Variants in CACNA1C observed in about 807,000 individuals in gnomAD.
The protein encoded by CACNA1C is calcium voltage-gated channel subunit alpha1 C.
Under a neutral mutation model 229.0 loss-of-function variants are expected in CACNA1C, and 30 were observed. The ratio of observed to expected loss-of-function variants is 0.13; its 90% CI spans 0.10 to 0.18. CACNA1C has a LOEUF of 0.18. CACNA1C is among the 10% of genes least tolerant of loss of function. The pLI is 1.00. For synonymous variants in CACNA1C, 1,114 were observed against 1,132.5 expected (o/e 0.98, Z 0.33); for missense variants, 1,658 against 2,845.0 (o/e 0.58, Z 9.49).
rs1219084901 is a variant in CACNA1C, at chr12:2,653,040, C to A, written c.4075-795C>A. ...CGGTGGCCACGGCTGAAGCGGCGCCCGGGAACACGGGCTGGGCCTCCCATC... is the reference window on the plus strand; with the variant it reads ...CGGTGGCCACGGCTGAAGCGGCGCCAGGGAACACGGGCTGGGCCTCCCATC... On this transcript the variant is annotated intron_variant, in intron 32 of 46. Transcript: ENST00000399655. This position sits in a 1 kb window ranked among gnomAD's most constrained non-coding sequence, Gnocchi z 4.7. 9.2e-5 allele frequency among the ~76,000 whole-genome samples: 14 copies of A among 152,224 alleles called. No homozygotes were observed. Among genetic ancestry groups the A allele is most frequent in the African/African-American group, 2.7e-4 (11 of 41,462 alleles).
intron 1 of CACNA1C, among the ~76,000 whole-genome samples, chr12:2,012,860 C>G (rs914249723): frequency 3.3e-5 from 5 of 152,156 alleles, no homozygotes; most frequent in Admixed American, 6.5e-5. Flanking sequence ...CCCTTGAGAT[C>G]CATTGTAATT....
chr12:2,650,173 C>G (rs2094800167), intron 31 of CACNA1C, among the ~76,000 whole-genome samples: 1 of 152,180 alleles, frequency 6.6e-6, no homozygotes, highest in Admixed American at 6.5e-5. Flanking sequence ...TTTGGAAGAT[C>G]TGGAAAGCAG....
At chr12:2,364,845 T>G (rs1211315154) in intron 3 of CACNA1C, among the ~76,000 whole-genome samples, 3 of 152,134 alleles carry the variant, frequency 2.0e-5, no homozygotes, top group Non-Finnish European at 1.5e-5. Context: ...GAGAACGATC[T>G]TGTGATTCCA....
chr12:2,363,769 G>A (rs1336960692), intron 3 of CACNA1C, among the ~76,000 whole-genome samples: 2 of 152,188 alleles, frequency 1.3e-5, no homozygotes, highest in African/African-American at 4.8e-5. Flanking sequence ...GTCTTGGACT[G>A]GATAATGGTG....
intron 30 of CACNA1C, among the ~76,000 whole-genome samples, chr12:2,638,511 C>A (rs1029931223): frequency 2.6e-5 from 4 of 152,120 alleles, no homozygotes; most frequent in Admixed American, 6.5e-5. Context: ...AGAGGTGTCA[C>A]GTGACCCGAC....
chr12:2,092,891 A>T (rs1025833233), intron 1 of CACNA1C, among the ~76,000 whole-genome samples: 1 of 152,228 alleles, frequency 6.6e-6, no homozygotes, highest in South Asian at 2.1e-4. Context: ...TTCAAAATGC[A>T]TCTCTTTCTA....
rs1322642469 is a variant in CACNA1C, at chr12:2,285,778, T to A, written c.478-163198T>A. Among the ~76,000 whole-genome samples, 1 of 152,144 alleles carries A rather than the reference T, an allele frequency of 6.6e-6. No individual in the cohort carries two copies. Among genetic ancestry groups the A allele is most frequent in the Non-Finnish European group, 1.5e-5 (1 of 68,018 alleles). ...CATTCGAGAGAGGCTGGTGCGCACCTACCCAGCGGCTTTTTGGGCGGCAGT... is the reference window on the plus strand; with the variant it reads ...CATTCGAGAGAGGCTGGTGCGCACCAACCCAGCGGCTTTTTGGGCGGCAGT... On this transcript the variant is annotated intron_variant, in intron 3 of 46. Coordinates refer to ENST00000399655, the MANE Select transcript of CACNA1C (RefSeq NM_000719.7). The surrounding 1 kb of genome is among the most constrained non-coding windows in gnomAD (Gnocchi z 4.2).
intron 3 of CACNA1C, among the ~76,000 whole-genome samples, chr12:2,161,674 G>C (rs368431873): frequency 1.3e-5 from 2 of 152,210 alleles, no homozygotes; most frequent in East Asian, 3.9e-4. Flanking sequence ...CCAAACTGAC[G>C]GTGCTGTAGA....
chr12:2,190,236 C>T (rs1462305675), intron 3 of CACNA1C, among the ~76,000 whole-genome samples: 1 of 152,184 alleles, frequency 6.6e-6, no homozygotes, highest in Non-Finnish European at 1.5e-5. Flanking sequence ...CATTGCCAAT[C>T]GATTTAAACA....
intron 3 of CACNA1C, among the ~76,000 whole-genome samples, chr12:2,321,103 A>G (rs1054021946): frequency 6.6e-6 from 1 of 152,208 alleles, no homozygotes; most frequent in Non-Finnish European, 1.5e-5. Context: ...TCTTCAGCCA[A>G]CAGAGGCTGT....
At chr12:2,241,460 G>A (rs781593167) in intron 3 of CACNA1C, among the ~76,000 whole-genome samples, 8 of 152,030 alleles carry the variant, frequency 5.3e-5, no homozygotes, top group Non-Finnish European at 7.4e-5. Flanking sequence ...GAGAGCACGC[G>A]TGTGGGATGG....
intron 13 of CACNA1C, among the ~76,000 whole-genome samples, chr12:2,570,848 C>T (rs1033231352): frequency 6.6e-6 from 1 of 152,186 alleles, no homozygotes; most frequent in Non-Finnish European, 1.5e-5. Context: ...CAGACACCCA[C>T]GATTAAAATC....
intron 18 of CACNA1C, among the ~76,000 whole-genome samples, chr12:2,587,391 A>C (rs551539049): frequency 2.6e-5 from 4 of 152,210 alleles, no homozygotes; most frequent in Non-Finnish European, 1.5e-5. Flanking sequence ...GAGCCCTCCC[A>C]TGGGGCCAGC....
At chr12:2,160,060 G>A (rs1372787509) in intron 3 of CACNA1C, among the ~76,000 whole-genome samples, 1 of 152,122 alleles carries the variant, frequency 6.6e-6, no homozygotes, top group Non-Finnish European at 1.5e-5. Context: ...GGACCGTCCT[G>A]CTGGGATCCT....
At chr12:2,447,878 G>A (rs759076295) in intron 3 of CACNA1C, among the ~76,000 whole-genome samples, 6 of 152,246 alleles carry the variant, frequency 3.9e-5, no homozygotes, top group Non-Finnish European at 5.9e-5. Flanking sequence ...GTTCTGAGCC[G>A]AGTGCCCACT....
intron 46 of CACNA1C, 140 bp from the exon 47 acceptor site, chr12:2,690,756 CAACA>C: frequency 1.3e-6 from 1 of 766,180 alleles, no homozygotes; most frequent in Non-Finnish European, 2.0e-6. Context: ...GTGCCCCTCC[CAACA>C]CACACACGTA....
intron 1 of CACNA1C, among the ~76,000 whole-genome samples, chr12:2,019,532 AGAAAG>A (rs767232750): frequency 2.9e-4 from 44 of 149,726 alleles, no homozygotes; most frequent in Non-Finnish European, 4.0e-4. Flanking sequence ...AGGAAGGAAA[AGAAAG>A]GAAGGAAGGA....
intron 1 of CACNA1C, among the ~76,000 whole-genome samples, chr12:2,102,325 G>A (rs531804031): frequency 6.6e-6 from 1 of 152,350 alleles, no homozygotes; most frequent in South Asian, 2.1e-4. Context: ...CCACAGTGCT[G>A]TTTCCTGCTC....
intron 3 of CACNA1C, among the ~76,000 whole-genome samples, chr12:2,425,848 A>G (rs1567611068): frequency 6.6e-6 from 1 of 152,232 alleles, no homozygotes; most frequent in Non-Finnish European, 1.5e-5. Context: ...CAAGAATGAG[A>G]AGAAAAAGTT....
Sources: allele counts gnomAD v4.1 joint callset (sites outside exome capture counted in the v4.1 genomes callset), GRCh38; gene constraint gnomAD v4.1.1; non-coding constraint Gnocchi (gnomAD v3.1); transcripts MANE v1.5; gene names NCBI Gene and HGNC (gene_info 2026-07-23, HGNC 2026-07-21).